The following PRR5 variants were observed in gnomAD, a reference collection of about 807,000 sequenced individuals.
The protein encoded by PRR5 is proline-rich protein 5.
A neutral mutation model predicts 30.6 loss-of-function variants in PRR5; 25 were observed. That is an observed-to-expected ratio of 0.82 (90% CI 0.60 to 1.14). The LOEUF (loss-of-function observed/expected upper bound fraction) is 1.14. PRR5 is among the 50% of genes most tolerant of loss of function. The probability of loss-of-function intolerance (pLI) is 0.00; values close to 1 mark genes in which losing one functional copy is unlikely to be tolerated. For synonymous variants in PRR5, 286 were observed against 247.1 expected, an observed-to-expected ratio of 1.16 and a Z score of -1.48; for missense variants, 600 against 547.1, an observed-to-expected ratio of 1.10 and a Z score of -0.96.
upstream of PRR5, among the ~76,000 whole-genome samples, chr22:44,676,412 A>AAAAAAG (rs1569060698): frequency 3.4e-5 from 5 of 148,544 alleles, no homozygotes; most frequent in Non-Finnish European, 7.4e-5. Context: ...AAAAAAAAAA[A>AAAAAAG]AAAGAAAGAA....
At chr22:44,698,209 A>G (rs1925935688), upstream of PRR5, among the ~76,000 whole-genome samples, 1 of 152,044 alleles carries the variant, frequency 6.6e-6, no homozygotes, top group African/African-American at 2.4e-5. Context: ...GGAGTTTGGA[A>G]TGAGTTTGGG....
intron 1 of PRR5, 89 bp downstream of exon 1, chr22:44,702,697 C>G: frequency 8.2e-7 from 1 of 1,226,280 alleles, no homozygotes; most frequent in Non-Finnish European, 1.0e-6. Context: ...CCGCCCCGAG[C>G]CAGGAACGCT....
chr22:44,732,861 CACAT>C (rs537113109), intron 6 of PRR5, among the ~76,000 whole-genome samples: 2,903 of 136,394 alleles, frequency 0.021, 35 homozygotes, highest in Non-Finnish European at 0.033. Flanking sequence ...CGTGCACACG[CACAT>C]ACTACACACT....
chr22:44,675,424 T>C (rs892244024), upstream of PRR5, among the ~76,000 whole-genome samples: 1 of 152,186 alleles, frequency 6.6e-6, no homozygotes, highest in African/African-American at 2.4e-5. Context: ...TGTAATATCG[T>C]GAGCATCTTC....
intron 2 of PRR5, among the ~76,000 whole-genome samples, chr22:44,715,413 G>C (rs1928904717): frequency 6.6e-6 from 1 of 152,240 alleles, no homozygotes. Context: ...CAGGAGAAGA[G>C]TCAGTGGACT....
chr22:44,733,280 C>T lies in PRR5; in HGVS notation c.555+889C>T, dbSNP rs530640151. 2.6e-5 allele frequency among the ~76,000 whole-genome samples: 4 copies of T among 152,382 alleles called. No homozygotes were observed. In the South Asian group the frequency reaches 8.3e-4, roughly 32 times the overall value. The stretch of plus-strand genomic sequence containing the variant: ...CTTTGCAGTTGGCCGGCTCATCACA[C>T]TGTCGCAGGACCACACAGTCACTGC... On this transcript the variant is annotated intron_variant, in intron 6 of 7. Transcript: ENST00000336985.
intron 1 of PRR5, among the ~76,000 whole-genome samples, chr22:44,706,271 ATTCATTC>A (rs1377909952): frequency 3.9e-5 from 6 of 152,218 alleles, no homozygotes; most frequent in African/African-American, 1.4e-4. Context: ...TGATTCATTC[ATTCATTC>A]GTTTATTCAT....
chr22:44,718,651 T>G (rs1261703336), intron 2 of PRR5, among the ~76,000 whole-genome samples: 6 of 152,218 alleles, frequency 3.9e-5, no homozygotes, highest in Admixed American at 3.9e-4. Flanking sequence ...GAGTTCAGTT[T>G]GTCCACATTC....
At chr22:44,698,612 G>A (rs1925978358), upstream of PRR5, among the ~76,000 whole-genome samples, 1 of 152,172 alleles carries the variant, frequency 6.6e-6, no homozygotes, top group Non-Finnish European at 1.5e-5. Context: ...GGCCCGGTGG[G>A]CACCTGGAGG....
chr22:44,672,827 A>G (rs1485285559), upstream of PRR5, among the ~76,000 whole-genome samples: 1 of 152,208 alleles, frequency 6.6e-6, no homozygotes, highest in South Asian at 2.1e-4. Context: ...CCCAATTGAC[A>G]GATGGGCAAA....
intron 1 of PRR5, among the ~76,000 whole-genome samples, chr22:44,703,841 C>T (rs1276694204): frequency 5.3e-5 from 8 of 152,106 alleles, no homozygotes; most frequent in Non-Finnish European, 1.0e-4. Context: ...CATGATGCCA[C>T]CACTGCACTC....
intron 4 of PRR5, chr22:44,729,966 C>T (rs1353263123): frequency 1.0e-6 from 1 of 985,324 alleles, no homozygotes; most frequent in Non-Finnish European, 1.2e-6. Flanking sequence ...GGTGAGCATC[C>T]ATCCGTCCGG....
intron 1 of PRR5, chr22:44,679,849 CG>C (rs1569063329): frequency 6.3e-7 from 1 of 1,598,184 alleles, no homozygotes; most frequent in Admixed American, 1.7e-5. Flanking sequence ...TCGGGAAGCC[CG>C]GAAAAGATGC....
chr22:44,693,541 C>G (rs1047547630), intron 1 of PRR5, among the ~76,000 whole-genome samples: 7 of 151,922 alleles, frequency 4.6e-5, no homozygotes, highest in African/African-American at 1.7e-4. Context: ...CGCATCACTC[C>G]AGTCTCTGCT....
chr22:44,735,178 G>A lies in PRR5; in HGVS notation c.691+16G>A. 1 of 1,609,852 alleles carries A rather than the reference G, an allele frequency of 6.2e-7. No individual in the cohort carries two copies. Among genetic ancestry groups the A allele is most frequent in the Non-Finnish European group, 8.5e-7 (1 of 1,178,550 alleles). On this transcript the variant is annotated intron_variant, in intron 7 of 7. Coordinates refer to ENST00000336985, the MANE Select transcript of PRR5 (RefSeq NM_181333.4). ...TGCATCCTGGGTAGGGGTCCGCCTG[G>A]GCCTTGGGCTGGGGCAGGGGTGACC...
intron 6 of PRR5, chr22:44,734,734 A>C: frequency 4.3e-6 from 2 of 462,220 alleles, no homozygotes. Context: ...GGCCCCTCCG[A>C]GGGGTGGAAG....
At chr22:44,734,785 C>A (rs1345211548) in intron 6 of PRR5, 1 of 587,444 alleles carries the variant, frequency 1.7e-6, no homozygotes, top group Non-Finnish European at 3.0e-6. Flanking sequence ...GGCCTTTTTC[C>A]AGGGCACACC....
intron 4 of PRR5, chr22:44,729,836 G>T: frequency 1.0e-6 from 1 of 985,500 alleles, no homozygotes; most frequent in Non-Finnish European, 1.2e-6. Flanking sequence ...TGAGCAGAAC[G>T]CAGGCCTGGC....
chr22:44,682,363 G>A (rs985829075), intron 1 of PRR5, among the ~76,000 whole-genome samples: 1 of 152,332 alleles, frequency 6.6e-6, no homozygotes, highest in African/African-American at 2.4e-5. Context: ...AAGGGGATGG[G>A]GAGGAGGCCC....
Sources: allele counts gnomAD v4.1 joint callset (sites outside exome capture counted in the v4.1 genomes callset), GRCh38; gene constraint gnomAD v4.1.1; transcripts MANE v1.5; gene names NCBI Gene and HGNC (gene_info 2026-07-23, HGNC 2026-07-21).